The following PTPRT variants were observed in gnomAD, a reference collection of about 807,000 sequenced individuals.
The protein encoded by PTPRT is receptor-type tyrosine-protein phosphatase T.
In PTPRT, 56 loss-of-function variants were observed where a neutral mutation model predicts 176.8. The observed-to-expected ratio is 0.32, with a 90% CI of 0.26 to 0.40. The LOEUF (loss-of-function observed/expected upper bound fraction) is 0.40. PTPRT is among the 10% of genes least tolerant of loss of function. The pLI is 1.00. For synonymous variants in PTPRT, 783 were observed against 739.0 expected, an observed-to-expected ratio of 1.06 and a Z score of -0.96; for missense variants, 1,540 against 1,908.2, an observed-to-expected ratio of 0.81 and a Z score of 3.60.
chr20:42,696,055 G>C (rs1377505188), intron 6 of PTPRT, among the ~76,000 whole-genome samples: 2 of 152,028 alleles, frequency 1.3e-5, no homozygotes, highest in Non-Finnish European at 2.9e-5. Flanking sequence ...TAATATTTCT[G>C]AGATTCTGTT....
intron 9 of PTPRT, among the ~76,000 whole-genome samples, chr20:42,367,980 T>G (rs1469573055): frequency 1.3e-5 from 2 of 152,198 alleles, no homozygotes; most frequent in East Asian, 3.9e-4. Context: ...AGATGCAGGA[T>G]GCAGGGACCC....
chr20:42,211,225 C>T (rs1419186332), intron 15 of PTPRT, among the ~76,000 whole-genome samples: 2 of 152,006 alleles, frequency 1.3e-5, no homozygotes, highest in South Asian at 2.1e-4. Flanking sequence ...CCATTCAGGA[C>T]ATAGGCATGG....
At chr20:42,412,530 A>T (rs1296860250) in intron 9 of PTPRT, among the ~76,000 whole-genome samples, 1 of 152,218 alleles carries the variant, frequency 6.6e-6, no homozygotes, top group Non-Finnish European at 1.5e-5. Context: ...TTTACATATA[A>T]CCCAGAAAAT....
intron 1 of PTPRT, among the ~76,000 whole-genome samples, chr20:43,157,399 A>G (rs1572924): frequency 0.95 from 144,902 of 152,140 alleles, 69,441 homozygotes; most frequent in East Asian, 1. Context: ...GCCCTCTTGG[A>G]TTTACATCTT....
At chr20:42,927,238 C>T (rs1003240293) in intron 1 of PTPRT, among the ~76,000 whole-genome samples, 1 of 152,152 alleles carries the variant, frequency 6.6e-6, no homozygotes, top group African/African-American at 2.4e-5. Context: ...AAAGGCAAGA[C>T]CTGCTTAAGG....
intron 9 of PTPRT, among the ~76,000 whole-genome samples, chr20:42,436,828 G>T (rs982286223): frequency 1.3e-5 from 2 of 152,188 alleles, no homozygotes; most frequent in African/African-American, 4.8e-5. Context: ...TCGTGCAGTG[G>T]AGTAGTAGAC....
chr20:42,359,703 C>G (rs1260043735), intron 9 of PTPRT, among the ~76,000 whole-genome samples: 1 of 152,244 alleles, frequency 6.6e-6, no homozygotes, highest in Non-Finnish European at 1.5e-5. Context: ...CGCCTCTGAA[C>G]AGCATCTGCC....
At chr20:42,129,139 G>A (rs1988006580) in intron 18 of PTPRT, among the ~76,000 whole-genome samples, 1 of 152,130 alleles carries the variant, frequency 6.6e-6, no homozygotes. Flanking sequence ...TGCTTCATAG[G>A]ACAATGTGAG....
chr20:42,125,962 C>T (rs1600556206), intron 19 of PTPRT, among the ~76,000 whole-genome samples: 1 of 149,632 alleles, frequency 6.7e-6, no homozygotes, highest in East Asian at 2.0e-4. Context: ...ATCAATTCAA[C>T]CTGCATCAAT....
intron 12 of PTPRT, among the ~76,000 whole-genome samples, chr20:42,287,223 T>C (rs1382310051): frequency 6.6e-6 from 1 of 151,904 alleles, no homozygotes; most frequent in Non-Finnish European, 1.5e-5. Flanking sequence ...GATCCAGCAA[T>C]CTTACTACTG....
intron 1 of PTPRT, among the ~76,000 whole-genome samples, chr20:43,164,792 T>C (rs983510389): frequency 6.6e-6 from 1 of 152,244 alleles, no homozygotes; most frequent in African/African-American, 2.4e-5. Context: ...GAAATTTGAA[T>C]TTCATAGAAT....
At chr20:43,120,027 A>T (rs148949622) in intron 1 of PTPRT, among the ~76,000 whole-genome samples, 72 of 152,184 alleles carry the variant, frequency 4.7e-4, no homozygotes, top group Non-Finnish European at 8.7e-4. Flanking sequence ...CTGTAGCCTC[A>T]TACTCCTGGG....
At chr20:43,105,502 G>T (rs1301703357) in intron 1 of PTPRT, among the ~76,000 whole-genome samples, 1 of 152,162 alleles carries the variant, frequency 6.6e-6, no homozygotes, top group Admixed American at 6.5e-5. Context: ...CTGGGTTCGA[G>T]TGTTTCTCAT....
chr20:42,228,643 T>G (rs1255643115), intron 15 of PTPRT, among the ~76,000 whole-genome samples: 1 of 152,196 alleles, frequency 6.6e-6, no homozygotes, highest in Non-Finnish European at 1.5e-5. Context: ...ACATGGATAT[T>G]AACTAACTTC....
intron 1 of PTPRT, among the ~76,000 whole-genome samples, chr20:43,110,165 C>G (rs2012796269): frequency 6.6e-6 from 1 of 152,088 alleles, no homozygotes; most frequent in South Asian, 2.1e-4. Flanking sequence ...TGAAGGGGAG[C>G]TGGCATATGC....
At chr20:43,023,902 A>C (rs1220997248) in intron 1 of PTPRT, among the ~76,000 whole-genome samples, 1 of 152,072 alleles carries the variant, frequency 6.6e-6, no homozygotes, top group Non-Finnish European at 1.5e-5. Flanking sequence ...CATCCTGGTA[A>C]ATATAGCTTT....
At chr20:42,170,815 C>G (rs1238525771) in intron 16 of PTPRT, among the ~76,000 whole-genome samples, 1 of 152,128 alleles carries the variant, frequency 6.6e-6, no homozygotes, top group Non-Finnish European at 1.5e-5. Context: ...CCTTTCTTAT[C>G]AGGACACAAT....
chr20:42,578,246 T>C (rs1198368156), intron 7 of PTPRT, among the ~76,000 whole-genome samples: 3 of 152,102 alleles, frequency 2.0e-5, no homozygotes, highest in Non-Finnish European at 2.9e-5. Context: ...GATTCACTCC[T>C]TTTGCTTCCA....
chr20:42,062,681 C>G, the PTPRT span, among the ~76,000 whole-genome samples: 13 of 152,332 alleles, frequency 8.5e-5, no homozygotes, highest in East Asian at 2.1e-3. Flanking sequence ...GCCTCTGCCC[C>G]CTTTTTTTCC....
Sources: allele counts gnomAD v4.1 joint callset (sites outside exome capture counted in the v4.1 genomes callset), GRCh38; gene constraint gnomAD v4.1.1; transcripts MANE v1.5; gene names NCBI Gene and HGNC (gene_info 2026-07-23, HGNC 2026-07-21).